PRKN: variants seen among roughly 807,000 people sequenced by gnomAD.
The protein encoded by PRKN is E3 ubiquitin-protein ligase parkin.
PRKN carries 56 observed loss-of-function variants against 59.5 expected under a neutral mutation model. The observed-to-expected ratio is 0.94, with a 90% CI of 0.76 to 1.18. The LOEUF (loss-of-function observed/expected upper bound fraction) is 1.18. Ranked by LOEUF, PRKN falls within the 50% of genes most tolerant of loss-of-function variation. The probability of loss-of-function intolerance (pLI) is 0.00; values close to 1 mark genes in which losing one functional copy is unlikely to be tolerated. For synonymous variants in PRKN, 250 were observed against 222.1 expected (o/e 1.13, Z -1.12); for missense variants, 657 against 596.4 (o/e 1.10, Z -1.06).
intron 7 of PRKN, among the ~76,000 whole-genome samples, chr6:161,682,417 T>C (rs1428669967): frequency 6.6e-6 from 1 of 152,192 alleles, no homozygotes; most frequent in African/African-American, 2.4e-5. Context: ...TTTAAGTTTG[T>C]GGTTTAAATT....
intron 1 of PRKN, among the ~76,000 whole-genome samples, chr6:162,502,520 C>T (rs984084440): frequency 2.6e-5 from 4 of 152,126 alleles, no homozygotes; most frequent in Non-Finnish European, 4.4e-5. Context: ...AGCATTACAA[C>T]AGGGAAATAG....
rs34274015 is a variant in PRKN at position 161,833,562 on chromosome 6, G to T, written c.735-47654C>A. Among the ~76,000 whole-genome samples, 1,402 of 152,064 alleles carry T rather than the reference G, an allele frequency of 9.2e-3. 8 individuals carry two copies. Among genetic ancestry groups the T allele is most frequent in the Non-Finnish European group, 0.014 (934 of 68,002 alleles). ...CACTTCCTTATCTCTCTTCATTGGT[G>T]CGAACAATACCTGAGCTCTCCCTCA... is the stretch of plus-strand genomic sequence containing the variant. On this transcript the variant is annotated intron_variant, in intron 6 of 11. Transcript: ENST00000366898.
At chr6:162,711,869 T>C (rs1303472135) in intron 1 of PRKN, among the ~76,000 whole-genome samples, 1 of 152,176 alleles carries the variant, frequency 6.6e-6, no homozygotes, top group Non-Finnish European at 1.5e-5. Flanking sequence ...GCGCAGATCA[T>C]ATTAGGTAGC....
rs2115194929 is a variant in PRKN, at chr6:161,471,813, A to G, written c.1083+77041T>C. ...GTCATAAAGATAATTAACATACAAT[A>G]AATGCATCTATGAAAGATTAAATTA... On this transcript the variant is annotated intron_variant, in intron 9 of 11. Transcript: ENST00000366898. The surrounding 1 kb of genome is among the most constrained non-coding windows in gnomAD (Gnocchi z 4.5). Among the ~76,000 whole-genome samples, 1 of 152,342 alleles carries G rather than the reference A, an allele frequency of 6.6e-6. No homozygotes were observed. The highest frequency in any genetic ancestry group is 3.4e-3 in the Middle Eastern group (1 of 294).
chr6:162,638,073 TAAAAG>T (rs760041644), intron 1 of PRKN, among the ~76,000 whole-genome samples: 252 of 152,260 alleles, frequency 1.7e-3, no homozygotes, highest in Non-Finnish European at 2.2e-3. Flanking sequence ...TTTAAAAAAA[TAAAAG>T]AAATGCTGAA....
rs979135769 is a variant in PRKN at position 161,460,962 on chromosome 6, T to C, written c.1084-74085A>G. The stretch of plus-strand genomic sequence containing the variant: ...TTAGCAGAGACGGGGTTTCACCATG[T>C]TGGCCAGGATGGTCTTGATCACCTG... On this transcript the variant is annotated intron_variant, in intron 9 of 11. Coordinates refer to ENST00000366898, the MANE Select transcript of PRKN (RefSeq NM_004562.3). This position sits in a 1 kb window ranked among gnomAD's most constrained non-coding sequence, Gnocchi z 5.0. Among the ~76,000 whole-genome samples the C allele has an allele frequency of 7.2e-5, 11 of 151,912 alleles. No individual in the cohort carries two copies. The highest frequency in any genetic ancestry group is 7.2e-4 in the Admixed American group (11 of 15,244).
chr6:161,660,517 A>G (rs531197326), intron 7 of PRKN, among the ~76,000 whole-genome samples: 20 of 152,356 alleles, frequency 1.3e-4, no homozygotes, highest in African/African-American at 4.8e-4. Context: ...ATTCACAAGG[A>G]AAAAATGGTG....
At chr6:161,616,286 G>T (rs1782689305) in intron 7 of PRKN, among the ~76,000 whole-genome samples, 1 of 152,176 alleles carries the variant, frequency 6.6e-6, no homozygotes, top group South Asian at 2.1e-4. Flanking sequence ...CCCTGCAAGG[G>T]GAGGGGCCGG....
intron 1 of PRKN, among the ~76,000 whole-genome samples, chr6:162,659,811 G>A (rs1406280098): frequency 1.3e-5 from 2 of 151,952 alleles, no homozygotes; most frequent in South Asian, 4.2e-4. Flanking sequence ...ATATACTTTC[G>A]TAAAATGATA....
intron 2 of PRKN, among the ~76,000 whole-genome samples, chr6:162,328,960 G>C (rs2128124182): frequency 6.6e-6 from 1 of 152,206 alleles, no homozygotes; most frequent in Non-Finnish European, 1.5e-5. Flanking sequence ...TTGCCTCCAG[G>C]TGTTAGGACC....
intron 1 of PRKN, among the ~76,000 whole-genome samples, chr6:162,464,518 A>G (rs1461486701): frequency 6.6e-6 from 1 of 152,070 alleles, no homozygotes; most frequent in African/African-American, 2.4e-5. Context: ...ATTTCATTAG[A>G]AATTTGTCTA....
chr6:162,276,447 T>A (rs1366797498), intron 2 of PRKN, among the ~76,000 whole-genome samples: 1 of 152,178 alleles, frequency 6.6e-6, no homozygotes, highest in Admixed American at 6.5e-5. Flanking sequence ...TGGAATAATG[T>A]GGCTATGATT....
At chr6:162,427,385 T>C (rs1275497490) in intron 2 of PRKN, among the ~76,000 whole-genome samples, 1 of 152,136 alleles carries the variant, frequency 6.6e-6, no homozygotes, top group African/African-American at 2.4e-5. Context: ...GCAGCACTAT[T>C]TGTGAAGCAA....
intron 6 of PRKN, among the ~76,000 whole-genome samples, chr6:161,791,937 C>G (rs1308032955): frequency 6.6e-6 from 1 of 152,312 alleles, no homozygotes; most frequent in South Asian, 2.1e-4. Context: ...GACACCGCAG[C>G]CTCTGTCTGT....
intron 7 of PRKN, among the ~76,000 whole-genome samples, chr6:161,648,282 C>CAA (rs1463282135): frequency 6.6e-6 from 1 of 152,176 alleles, no homozygotes; most frequent in Non-Finnish European, 1.5e-5. Flanking sequence ...TCAAAGTCAA[C>CAA]AGCTCAGTAG....
chr6:161,541,715 G>A (rs1404298024), intron 9 of PRKN, among the ~76,000 whole-genome samples: 3 of 152,232 alleles, frequency 2.0e-5, no homozygotes, highest in Non-Finnish European at 4.4e-5. Flanking sequence ...CAGCTACTCA[G>A]GAGGCTGAGG....
At position 161,596,210 on chromosome 6, in the gene PRKN, G is replaced by A. The variant is rs540233814; in HGVS notation, c.872-26794C>T. ...CATGAGGCAGAACGCAACTGCCTTT[G>A]CTTATTTTATCTAGAGAATGATGAC... On this transcript the variant is annotated intron_variant, in intron 7 of 11. Transcript: ENST00000366898. Among the ~76,000 whole-genome samples, 10 of 152,136 alleles carry A rather than the reference G, an allele frequency of 6.6e-5. 1 individual carries two copies. The highest frequency in any genetic ancestry group is 6.5e-4 in the Admixed American group (10 of 15,276).
At chr6:162,462,573 G>A (rs543894789) in intron 1 of PRKN, among the ~76,000 whole-genome samples, 225 of 152,176 alleles carry the variant, frequency 1.5e-3, no homozygotes, top group African/African-American at 5.1e-3. Context: ...TAAATGTGAG[G>A]CTACATTTTC....
chr6:161,528,050 C>T (rs564269491), intron 9 of PRKN, among the ~76,000 whole-genome samples: 1 of 152,134 alleles, frequency 6.6e-6, no homozygotes, highest in Non-Finnish European at 1.5e-5. Context: ...TTTCTTCCTT[C>T]AAAATACTTA....
Sources: allele counts gnomAD v4.1 joint callset (sites outside exome capture counted in the v4.1 genomes callset), GRCh38; gene constraint gnomAD v4.1.1; non-coding constraint Gnocchi (gnomAD v3.1); transcripts MANE v1.5; gene names NCBI Gene and HGNC (gene_info 2026-07-23, HGNC 2026-07-21).